MEFV: variants seen among roughly 807,000 people sequenced by gnomAD.
The protein encoded by MEFV is MEFV innate immunity regulator, pyrin, also known as pyrin.
MEFV carries 60 observed loss-of-function variants against 62.5 expected under a neutral mutation model. That is an observed-to-expected ratio of 0.96 (90% CI 0.78 to 1.19). MEFV has a LOEUF of 1.19. Ranked by LOEUF, MEFV falls within the 50% of genes most tolerant of loss-of-function variation. The pLI is 0.00. For synonymous variants in MEFV, 500 were observed against 415.2 expected (o/e 1.20, Z -2.48); for missense variants, 1,169 against 1,004.5 (o/e 1.16, Z -2.21).
At chr16:3,248,814 G>A in intron 4 of MEFV, 95 bp downstream of exon 4, 2 of 1,603,774 alleles carry the variant, frequency 1.2e-6, no homozygotes, top group Non-Finnish European at 1.7e-6. Context: ...CATCCCTGCT[G>A]CCCTGTGAAC....
rs548585265 is a variant in MEFV at position 3,248,648 on chromosome 16, A to G, written c.1356+261T>C. On this transcript the variant is annotated intron_variant, in intron 4 of 9. Transcript: ENST00000219596. The stretch of plus-strand genomic sequence containing the variant: ...TCAATCCCATCTTTCTGCAGTAGTC[A>G]CCGGCATAGGTTGCTCTCTACCATC... 3.5e-5 allele frequency: 37 copies of G among 1,057,616 alleles called. No individual in the cohort carries two copies. The East Asian group carries it at 1.2e-3, about 34-fold the overall frequency. 65.5% of individuals were successfully genotyped at this position (1,057,616 alleles called of 1,614,324 possible).
At chr16:3,246,877 G>C in intron 5 of MEFV, 139 bp downstream of exon 5, 1 of 853,960 alleles carries the variant, frequency 1.2e-6, no homozygotes, top group Non-Finnish European at 1.9e-6. Context: ...GAGGCACTGT[G>C]GGTCACCAAG....
Position 3,247,256 on chromosome 16 carries a change from A to G in MEFV, c.1357-10T>C. The G allele has an allele frequency of 6.2e-7, 1 of 1,613,658 alleles. No individual in the cohort carries two copies. The highest frequency in any genetic ancestry group is 8.5e-7 in the Non-Finnish European group (1 of 1,179,806). On this transcript the variant is annotated splice_polypyrimidine_tract_variant and intron_variant, in intron 4 of 9. Coordinates refer to ENST00000219596, the MANE Select transcript of MEFV (RefSeq NM_000243.3). ...GCGCTTCAGTTTGTTTCTGGGGAGCAGAGGACAGGGAGGTATGGGGGTCTG... is the reference window on the plus strand; with the variant it reads ...GCGCTTCAGTTTGTTTCTGGGGAGCGGAGGACAGGGAGGTATGGGGGTCTG...
chr16:3,256,381 G>A lies in MEFV; in HGVS notation c.207C>T (p.Leu69=), dbSNP rs746578835. The A allele has an allele frequency of 1.9e-6, 3 of 1,614,132 alleles. No individual in the cohort carries two copies. Among genetic ancestry groups the A allele is most frequent in the Admixed American group, 1.7e-5 (1 of 60,026 alleles). ...TGATGGCCCGCAGGACCTGCAGGGT[G>A]AGCTGCACGGCGTACTCTTCCCCAT... is the stretch of plus-strand genomic sequence containing the variant. ...TYYGEEYAVQ[L]TLQVLRAINQ... Residue 69 remains leucine, a synonymous_variant, in exon 1 of 10, where the codon CTC becomes CTT. Transcript: ENST00000219596.
chr16:3,253,497 C>G (rs899020119), intron 2 of MEFV, among the ~76,000 whole-genome samples: 1 of 152,050 alleles, frequency 6.6e-6, no homozygotes, highest in Non-Finnish European at 1.5e-5. Context: ...ATCGGACATT[C>G]TTTCTTTCTT....
chr16:3,255,201 C>T (rs1959098971), intron 1 of MEFV, among the ~76,000 whole-genome samples: 1 of 152,036 alleles, frequency 6.6e-6, no homozygotes, highest in African/African-American at 2.4e-5. Context: ...CCTGTAGTCC[C>T]AGCTACTCGG....
Position 3,243,896 on chromosome 16 carries a change from C to A in MEFV, c.1760-4G>T. 1 of 1,613,740 alleles carries A rather than the reference C, an allele frequency of 6.2e-7. No homozygotes were observed. Among genetic ancestry groups the A allele is most frequent in the Non-Finnish European group, 8.5e-7 (1 of 1,179,988 alleles). On this transcript the variant is annotated splice_region_variant and splice_polypyrimidine_tract_variant and intron_variant, in intron 8 of 9. Transcript: ENST00000219596. The stretch of plus-strand genomic sequence containing the variant: ...TGAGCGCCAATCAGCTCCGGAACTA[C>A]GGAGAAAAATCAGATAGGGAAAAAA...
intron 2 of MEFV, chr16:3,251,913 C>A: frequency 7.1e-6 from 2 of 283,634 alleles, no homozygotes; most frequent in South Asian, 3.0e-5. Context: ...CCCAGGAATC[C>A]CAATGATATA....
At chr16:3,246,222 G>A (rs1958940705) in intron 6 of MEFV, among the ~76,000 whole-genome samples, 1 of 152,158 alleles carries the variant, frequency 6.6e-6, no homozygotes, top group Non-Finnish European at 1.5e-5. Context: ...TTCATCAGAT[G>A]AACTGCACGG....
At position 3,242,499 on chromosome 16, in the gene MEFV, C is replaced by G. The variant is rs948913817; in HGVS notation, c.*642G>C. 6.2e-6 allele frequency: 1 copy of G among 162,340 alleles called. No individual in the cohort carries two copies. Among genetic ancestry groups the G allele is most frequent in the Non-Finnish European group, 1.4e-5 (1 of 73,408 alleles). The allele number at this position is 162,340 out of a possible 1,614,324, so 10.1% of individuals were successfully genotyped here. ...AGCCTGGCTAACATGGTGAAACCCC[C>G]GTCTCTACTAAAAATACAAGAAAAC... On this transcript the variant is annotated 3_prime_UTR_variant, in exon 10 of 10. Transcript: ENST00000219596.
chr16:3,246,402 G>C, intron 6 of MEFV, 123 bp downstream of exon 6: 2 of 1,088,472 alleles, frequency 1.8e-6, no homozygotes, highest in Non-Finnish European at 2.8e-6. Flanking sequence ...CAGAAAAAAG[G>C]AGGAGTCTGG....
chr16:3,254,187 C>T lies in MEFV; in HGVS notation c.881G>A (p.Gly294Asp). The part of the protein sequence containing the change: ...DGGASADLKE[G>D]PGNPEHSVTG... Reference sequence around the variant, plus strand: ...GACCGAATGTTCTGGATTTCCAGGGCCTTCCTTCAGGTCCGCAGATGCCCC... The same window carrying T: ...GACCGAATGTTCTGGATTTCCAGGGTCTTCCTTCAGGTCCGCAGATGCCCC... The change falls in exon 2 of 10, where the codon GGC becomes GAC. Residue 294 changes from glycine to aspartate, a missense_variant. By Grantham distance (94) the Gly-to-Asp change is moderately conservative. Coordinates refer to ENST00000219596, the MANE Select transcript of MEFV (RefSeq NM_000243.3). The T allele has an allele frequency of 6.2e-7, 1 of 1,614,232 alleles. No homozygotes were observed. The highest frequency in any genetic ancestry group is 8.5e-7 in the Non-Finnish European group (1 of 1,180,036).
chr16:3,248,231 C>G (rs1958974424), intron 4 of MEFV, among the ~76,000 whole-genome samples: 1 of 151,730 alleles, frequency 6.6e-6, no homozygotes, highest in Non-Finnish European at 1.5e-5. Flanking sequence ...TGTACTCCAG[C>G]CTGGGTGACA....
chr16:3,251,043 A>AG (rs1838858828), intron 2 of MEFV, among the ~76,000 whole-genome samples: 2 of 151,302 alleles, frequency 1.3e-5, no homozygotes, highest in African/African-American at 4.9e-5. Flanking sequence ...AAAAAAAAAA[A>AG]AAAGAAATAG....
intron 5 of MEFV, 98 bp downstream of exon 5, chr16:3,246,918 C>T: frequency 4.2e-6 from 5 of 1,190,334 alleles, no homozygotes; most frequent in Non-Finnish European, 6.2e-6. Flanking sequence ...TTAGGGGCTT[C>T]ACCCACTTGT....
chr16:3,252,084 G>A (rs1044280205), intron 2 of MEFV: 5 of 315,538 alleles, frequency 1.6e-5, no homozygotes, highest in African/African-American at 1.1e-4. Flanking sequence ...AAATACAGTA[G>A]GGATAAAAGA....
chr16:3,256,335 C>T lies in MEFV; in HGVS notation c.253G>A (p.Glu85Lys). ...RAINQRLLAE[E>K]LHRAAIQEYS... ...CCCTGAATGGCTGCCCTGTGGAGCT[C>T]CTCGGCCAGCAGGCGCTGGTTGATG... Residue 85 changes from glutamate to lysine, a missense_variant, in exon 1 of 10, where the codon GAG becomes AAG. By Grantham distance (56) the Glu-to-Lys change is moderately conservative (BLOSUM62 1). Coordinates refer to ENST00000219596, the MANE Select transcript of MEFV (RefSeq NM_000243.3). 1 of 1,613,894 alleles carries T rather than the reference C, an allele frequency of 6.2e-7. No homozygotes were observed. Among genetic ancestry groups the T allele is most frequent in the Non-Finnish European group, 8.5e-7 (1 of 1,179,994 alleles).
rs587781036 is a variant in MEFV at position 3,248,897 on chromosome 16, C to T, written c.1356+12G>A. The T allele has an allele frequency of 5.0e-6, 8 of 1,613,912 alleles. No individual in the cohort carries two copies. The highest frequency in any genetic ancestry group is 6.8e-6 in the Non-Finnish European group (8 of 1,179,886). On this transcript the variant is annotated intron_variant, in intron 4 of 9. Transcript: ENST00000219596. ...CAGGGACGGATGGGCCATCAGCCAC[C>T]TCTGACCTTACCAGAAAGCTCACTG...
At position 3,242,856 on chromosome 16, in the gene MEFV, AGCACCTGAGAGT is replaced by A; in HGVS notation, c.*273_*284del. 4.2e-6 allele frequency: 2 copies of A among 475,172 alleles called. No homozygotes were observed. The highest frequency in any genetic ancestry group is 7.8e-6 in the Non-Finnish European group (2 of 257,834). 29.4% of individuals were successfully genotyped at this position (475,172 alleles called of 1,614,324 possible). Reference sequence around the variant, plus strand: ...ATGAGGGCCAAATCTTCTGTTCAGGAGCACCTGAGAGTGCCACCCACCAGGGGCGGATTATGC... The same window carrying A: ...ATGAGGGCCAAATCTTCTGTTCAGGAGCCACCCACCAGGGGCGGATTATGC... On this transcript the variant is annotated 3_prime_UTR_variant, in exon 10 of 10. Coordinates refer to ENST00000219596, the MANE Select transcript of MEFV (RefSeq NM_000243.3).
Sources: allele counts gnomAD v4.1 joint callset (sites outside exome capture counted in the v4.1 genomes callset), GRCh38; gene constraint gnomAD v4.1.1; transcripts MANE v1.5; gene names NCBI Gene and HGNC (gene_info 2026-07-23, HGNC 2026-07-21).